Variants in DENND5A observed in about 807,000 individuals in gnomAD.
DENND5A encodes DENN domain-containing protein 5A.
Under a neutral mutation model 140.3 loss-of-function variants are expected in DENND5A, and 64 were observed. That is an observed-to-expected ratio of 0.46 (90% CI 0.37 to 0.56). DENND5A has a LOEUF of 0.56. Among genes scored for constraint, DENND5A ranks in the 20% least tolerant of loss-of-function variants. DENND5A has a pLI of 0.00. For synonymous variants in DENND5A, 605 were observed against 607.7 expected, an observed-to-expected ratio of 1.00 and a Z score of 0.07; for missense variants, 1,292 against 1,593.8, an observed-to-expected ratio of 0.81 and a Z score of 3.22.
At chr11:9,159,545 T>C (rs1410959517) in intron 12 of DENND5A, among the ~76,000 whole-genome samples, 1 of 152,202 alleles carries the variant, frequency 6.6e-6, no homozygotes, top group African/African-American at 2.4e-5. Context: ...CTCAAACTCC[T>C]GACCTCAAGT....
At chr11:9,177,366 C>T (rs566981722) in intron 8 of DENND5A, among the ~76,000 whole-genome samples, 26 of 151,690 alleles carry the variant, frequency 1.7e-4, no homozygotes, top group Middle Eastern at 6.9e-3. Flanking sequence ...GCTTCTGGGG[C>T]TGGAGCTGGG....
chr11:9,179,846 G>T (rs997607773), intron 6 of DENND5A, among the ~76,000 whole-genome samples: 1 of 151,856 alleles, frequency 6.6e-6, no homozygotes, highest in South Asian at 2.1e-4. Context: ...CTCTTTAACT[G>T]CCCATGATTT....
chr11:9,159,328 T>C (rs1373419815), intron 12 of DENND5A, among the ~76,000 whole-genome samples: 1 of 151,502 alleles, frequency 6.6e-6, no homozygotes, highest in Non-Finnish European at 1.5e-5. Flanking sequence ...TTTCTTTTTT[T>C]TTTTTTTTTG....
intron 8 of DENND5A, among the ~76,000 whole-genome samples, chr11:9,177,285 A>C (rs1408155817): frequency 6.6e-6 from 1 of 151,430 alleles, no homozygotes; most frequent in Non-Finnish European, 1.5e-5. Flanking sequence ...AAGAAAAAAA[A>C]AAAAGGTGGA....
chr11:9,239,858 C>G (rs1457932790), intron 1 of DENND5A, among the ~76,000 whole-genome samples: 1 of 152,206 alleles, frequency 6.6e-6, no homozygotes, highest in Non-Finnish European at 1.5e-5. Context: ...GGTTCCCTCA[C>G]TTTCTAGTTG....
chr11:9,156,668 G>A (rs995521517), intron 12 of DENND5A, among the ~76,000 whole-genome samples: 17 of 152,122 alleles, frequency 1.1e-4, no homozygotes, highest in African/African-American at 4.1e-4. Context: ...CAGGCATTGT[G>A]GTGCGGAGCT....
At chr11:9,257,526 G>C (rs1484734158) in intron 1 of DENND5A, among the ~76,000 whole-genome samples, 1 of 143,154 alleles carries the variant, frequency 7.0e-6, no homozygotes, top group Non-Finnish European at 1.5e-5. Flanking sequence ...CTGTTGCCCA[G>C]GCTGGAGTGC....
chr11:9,163,435 T>C (rs1031117596), intron 11 of DENND5A, among the ~76,000 whole-genome samples: 7 of 152,210 alleles, frequency 4.6e-5, no homozygotes, highest in Non-Finnish European at 1.0e-4. Context: ...AAAATTGATA[T>C]GTATTTCACA....
chr11:9,241,990 G>C (rs1590326115), intron 1 of DENND5A, among the ~76,000 whole-genome samples: 1 of 148,068 alleles, frequency 6.8e-6, no homozygotes, highest in Admixed American at 6.8e-5. Context: ...CTCCAGCCTG[G>C]GCAACATGAG....
At chr11:9,236,801 A>G (rs1851024278) in intron 1 of DENND5A, among the ~76,000 whole-genome samples, 1 of 152,118 alleles carries the variant, frequency 6.6e-6, no homozygotes, top group East Asian at 1.9e-4. Context: ...AGGCAGGCAA[A>G]GGATACAAAA....
intron 9 of DENND5A, 200 bp from the exon 10 acceptor site, chr11:9,170,149 T>A (rs138896405): frequency 2.0e-6 from 1 of 506,184 alleles, no homozygotes; most frequent in East Asian, 1.5e-4. Context: ...CACCTCCTCA[T>A]GGAACATGTC....
intron 1 of DENND5A, among the ~76,000 whole-genome samples, chr11:9,232,660 GGCA>G (rs1850821916): frequency 6.6e-6 from 1 of 152,142 alleles, no homozygotes; most frequent in South Asian, 2.1e-4. Flanking sequence ...AAAACTGTCT[GGCA>G]GCACCTACTA....
intron 15 of DENND5A, among the ~76,000 whole-genome samples, chr11:9,147,530 G>A (rs2136119002): frequency 6.6e-6 from 1 of 152,296 alleles, no homozygotes; most frequent in South Asian, 2.1e-4. Context: ...GTGAGTGGCA[G>A]TGGATGAAGG....
At chr11:9,245,530 GC>G (rs1851434231) in intron 1 of DENND5A, 2 of 151,464 alleles carry the variant, frequency 1.3e-5, no homozygotes, top group Non-Finnish European at 2.9e-5. Flanking sequence ...GGCGGAGGTT[GC>G]AGTGAGCTGA....
In DENND5A at chr11:9,185,762, G is replaced by C. The variant is rs139774880; in HGVS notation, c.1138-4678C>G. Among the ~76,000 whole-genome samples the C allele has an allele frequency of 3.5e-3, 539 of 152,048 alleles. 7 individuals carry two copies. Among genetic ancestry groups the C allele is most frequent in the African/African-American group, 0.012 (516 of 41,476 alleles). ...CGTGTGTGTTGTTCCTGTATGTGTG[G>C]TCTGCGTCTGTGTGTGTGGCTGTGT... On this transcript the variant is annotated intron_variant, in intron 5 of 22. Coordinates refer to ENST00000328194, the MANE Select transcript of DENND5A (RefSeq NM_015213.4).
chr11:9,153,344 C>CAAA (rs59736475), intron 12 of DENND5A, among the ~76,000 whole-genome samples: 8,293 of 26,980 alleles, frequency 0.31, 1,563 homozygotes, highest in Non-Finnish European at 0.34. Flanking sequence ...GGCTCCCTCT[C>CAAA]AAAAAAAAAA....
intron 11 of DENND5A, 24 bp downstream of exon 11, chr11:9,165,812 C>T (rs377639040): frequency 4.9e-5 from 79 of 1,613,220 alleles, no homozygotes; most frequent in Non-Finnish European, 6.6e-5. Context: ...AAATAGCACA[C>T]ATACAGAGAT....
At chr11:9,159,390 G>A (rs569814520) in intron 12 of DENND5A, among the ~76,000 whole-genome samples, 3 of 143,516 alleles carry the variant, frequency 2.1e-5, no homozygotes, top group Middle Eastern at 3.6e-3. Flanking sequence ...GTGCAATCTT[G>A]GCTCACTGCA....
At chr11:9,243,887 C>G (rs933386515) in intron 1 of DENND5A, among the ~76,000 whole-genome samples, 2 of 152,058 alleles carry the variant, frequency 1.3e-5, no homozygotes, top group African/African-American at 4.8e-5. Flanking sequence ...CTCCATCTCA[C>G]ACACACAAAA....
Sources: gnomAD v4.1 joint callset for allele counts (sites outside exome capture counted in the v4.1 genomes callset) on GRCh38, gnomAD v4.1.1 for gene constraint, MANE v1.5 for transcripts, NCBI Gene and HGNC (gene_info 2026-07-23, HGNC 2026-07-21) for gene names.